SPOCK1: variants seen among roughly 807,000 people sequenced by gnomAD.
The protein encoded by SPOCK1 is SPARC (osteonectin), cwcv and kazal like domains proteoglycan 1.
A neutral mutation model predicts 55.3 loss-of-function variants in SPOCK1; 23 were observed. The ratio of observed to expected loss-of-function variants is 0.42; its 90% CI spans 0.30 to 0.59. The LOEUF is 0.59. SPOCK1 is among the 20% of genes least tolerant of loss of function. The pLI is 0.22. For missense variants in SPOCK1, 499 were observed against 552.5 expected (o/e 0.90, Z 0.97); for synonymous variants, 226 against 221.0 (o/e 1.02, Z -0.20).
At chr5:137,357,524 T>G (rs182524049) in intron 2 of SPOCK1, among the ~76,000 whole-genome samples, 97 of 152,020 alleles carry the variant, frequency 6.4e-4, no homozygotes, top group African/African-American at 2.3e-3. Context: ...AAGGAGAGGG[T>G]CAGGGAAGGC....
chr5:136,979,079 G>C (rs1192873858), intron 10 of SPOCK1, among the ~76,000 whole-genome samples: 2 of 152,158 alleles, frequency 1.3e-5, no homozygotes, highest in Non-Finnish European at 2.9e-5. Context: ...AACCCTAAAT[G>C]AGAAGTGAAG....
chr5:137,408,714 G>A (rs997497777), intron 2 of SPOCK1, among the ~76,000 whole-genome samples: 21 of 152,166 alleles, frequency 1.4e-4, no homozygotes, highest in Middle Eastern at 3.4e-3. Flanking sequence ...ATTTTCTAAT[G>A]TTATGTCATG....
At chr5:136,992,243 GA>G (rs980844335) in intron 7 of SPOCK1, among the ~76,000 whole-genome samples, 1 of 152,014 alleles carries the variant, frequency 6.6e-6, no homozygotes, top group African/African-American at 2.4e-5. Context: ...TATGACACCA[GA>G]AAAAACCTTA....
In SPOCK1 at chr5:137,166,847, T is replaced by A. The variant is rs536315869; in HGVS notation, c.233-26153A>T. Among the ~76,000 whole-genome samples, 14 of 151,516 alleles carry A rather than the reference T, an allele frequency of 9.2e-5. No homozygotes were observed. The South Asian group carries it at 2.9e-3, about 32-fold the overall frequency. ...AAAAAACAAAAGGCAAGAAATTATATCACCAGAGAAAATCACCTTCACTTA... is the reference window on the plus strand; with the variant it reads ...AAAAAACAAAAGGCAAGAAATTATAACACCAGAGAAAATCACCTTCACTTA... On this transcript the variant is annotated intron_variant, in intron 3 of 10. Coordinates refer to ENST00000394945, the MANE Select transcript of SPOCK1 (RefSeq NM_004598.4).
intron 4 of SPOCK1, among the ~76,000 whole-genome samples, chr5:137,137,973 C>G (rs1264565633): frequency 6.6e-6 from 1 of 152,190 alleles, no homozygotes; most frequent in Admixed American, 6.5e-5. Context: ...CAAACACACA[C>G]ACACACACAA....
intron 6 of SPOCK1, among the ~76,000 whole-genome samples, chr5:137,025,981 C>T (rs1378344850): frequency 1.3e-5 from 2 of 152,150 alleles, no homozygotes; most frequent in Non-Finnish European, 2.9e-5. Context: ...CTTAAGGACT[C>T]ATACAAACAA....
intron 2 of SPOCK1, among the ~76,000 whole-genome samples, chr5:137,384,576 A>ATATATATATATATATATATATG (rs747142799): frequency 0.019 from 2,606 of 139,954 alleles, 116 homozygotes; most frequent in African/African-American, 0.069. Context: ...ATATATATAT[A>ATATATATATATATATATATATG]TATGTATGTA....
At chr5:137,343,651 A>G (rs143154050) in intron 2 of SPOCK1, among the ~76,000 whole-genome samples, 355 of 152,350 alleles carry the variant, frequency 2.3e-3, no homozygotes, top group African/African-American at 8.1e-3. Flanking sequence ...ATATTCACAC[A>G]GTTCCTCCTT....
chr5:137,469,906 C>T (rs1050623079), intron 2 of SPOCK1, among the ~76,000 whole-genome samples: 4 of 152,198 alleles, frequency 2.6e-5, no homozygotes, highest in African/African-American at 9.7e-5. Context: ...GACTATGCTG[C>T]TATGAGGTGG....
At chr5:137,153,026 T>C (rs1754348024) in intron 3 of SPOCK1, among the ~76,000 whole-genome samples, 1 of 152,214 alleles carries the variant, frequency 6.6e-6, no homozygotes, top group Non-Finnish European at 1.5e-5. Flanking sequence ...ACAGTGTCTA[T>C]CCTCTTCACT....
chr5:137,032,939 T>C (rs1481288160), intron 6 of SPOCK1, among the ~76,000 whole-genome samples: 1 of 152,196 alleles, frequency 6.6e-6, no homozygotes, highest in African/African-American at 2.4e-5. Context: ...CTTCTGTTCC[T>C]GTTCCTGAGA....
rs988520117 is a variant in SPOCK1, at chr5:137,333,549, G to A, written c.187-66494C>T. ...CTGCTCTGGTCTTCCTGATAAGTCC[G>A]GGCCTGAGGATGTTTTGATAAAAAA... On this transcript the variant is annotated intron_variant, in intron 2 of 10. Coordinates refer to ENST00000394945, the MANE Select transcript of SPOCK1 (RefSeq NM_004598.4). Among the ~76,000 whole-genome samples, 9 of 152,222 alleles carry A rather than the reference G, an allele frequency of 5.9e-5. No individual in the cohort carries two copies. In the South Asian group the frequency reaches 1.0e-3, roughly 18 times the overall value.
chr5:137,486,826 T>C (rs1198464400), intron 2 of SPOCK1, among the ~76,000 whole-genome samples: 2 of 152,224 alleles, frequency 1.3e-5, no homozygotes, highest in Non-Finnish European at 2.9e-5. Context: ...AATTTGACCG[T>C]CTTAGTCATT....
At chr5:137,042,848 T>C (rs1752025990) in intron 6 of SPOCK1, among the ~76,000 whole-genome samples, 1 of 152,140 alleles carries the variant, frequency 6.6e-6, no homozygotes, top group Non-Finnish European at 1.5e-5. Context: ...TGTATGTACA[T>C]ACATTTATAT....
At chr5:137,449,760 T>G (rs1328519948) in intron 2 of SPOCK1, among the ~76,000 whole-genome samples, 1 of 150,278 alleles carries the variant, frequency 6.7e-6, no homozygotes, top group East Asian at 2.0e-4. Flanking sequence ...CCAGGTGTAG[T>G]GGCAGATGCC....
chr5:137,193,808 A>G (rs1176928518), intron 3 of SPOCK1, among the ~76,000 whole-genome samples: 1 of 152,184 alleles, frequency 6.6e-6, no homozygotes, highest in Non-Finnish European at 1.5e-5. Context: ...GCTAAGAAAC[A>G]TGAACAGCGT....
chr5:137,221,394 A>G (rs1755844426), intron 3 of SPOCK1, among the ~76,000 whole-genome samples: 1 of 152,332 alleles, frequency 6.6e-6, no homozygotes, highest in South Asian at 2.1e-4. Flanking sequence ...GAAAATTATT[A>G]CAAGGCAATA....
chr5:137,070,435 G>T (rs139607352), intron 5 of SPOCK1, among the ~76,000 whole-genome samples: 1 of 152,270 alleles, frequency 6.6e-6, no homozygotes, highest in Non-Finnish European at 1.5e-5. Context: ...TTTATCCCTG[G>T]CATGATATGA....
chr5:137,314,447 A>G (rs1246173153), intron 2 of SPOCK1, among the ~76,000 whole-genome samples: 7 of 152,096 alleles, frequency 4.6e-5, no homozygotes, highest in Non-Finnish European at 8.8e-5. Flanking sequence ...CACATAACAA[A>G]CCTGTACTGC....
Sources: gnomAD v4.1 joint callset for allele counts (sites outside exome capture counted in the v4.1 genomes callset) on GRCh38, gnomAD v4.1.1 for gene constraint, MANE v1.5 for transcripts, NCBI Gene and HGNC (gene_info 2026-07-23, HGNC 2026-07-21) for gene names.